Variants in ZDHHC24 observed in about 807,000 individuals in gnomAD.
ZDHHC24 encodes zDHHC palmitoyltransferase 24, also known as probable palmitoyltransferase ZDHHC24.
Under a neutral mutation model 23.2 loss-of-function variants are expected in ZDHHC24, and 17 were observed. That is an observed-to-expected ratio of 0.73 (90% CI 0.50 to 1.10). The LOEUF (loss-of-function observed/expected upper bound fraction) is 1.10. Among genes scored for constraint, ZDHHC24 ranks in the 50% least tolerant of loss-of-function variants. The pLI is 0.00. For synonymous variants in ZDHHC24, 186 were observed against 194.5 expected (o/e 0.96, Z 0.36); for missense variants, 366 against 393.0 (o/e 0.93, Z 0.58).
chr11:66,530,071 C>A, intron 2 of ZDHHC24: 1 of 1,408,228 alleles, frequency 7.1e-7, no homozygotes, highest in Non-Finnish European at 9.7e-7. Context: ...AGCCCGTGCT[C>A]CCCATCACCT....
At chr11:66,530,676 G>A (rs959653716), downstream of ZDHHC24, among the ~76,000 whole-genome samples, 1 of 152,198 alleles carries the variant, frequency 6.6e-6, no homozygotes, top group Non-Finnish European at 1.5e-5. Context: ...TCCCAGGCCA[G>A]CTCTGCCTCT....
At position 66,526,134 on chromosome 11, in the gene ZDHHC24, C is replaced by G. The variant is rs41302423; in HGVS notation, c.*21+802G>C. The stretch of plus-strand genomic sequence containing the variant: ...ACGTCTCCACATAGGATGCAGTGAC[C>G]AGCCTTTGCTTTGGCCGGTACGGGC... On this transcript the variant is annotated intron_variant, in intron 4 of 4. Coordinates refer to the ZDHHC24 transcript ENST00000526986. 1.2e-6 allele frequency: 2 copies of G among 1,614,182 alleles called. No homozygotes were observed. The highest frequency in any genetic ancestry group is 1.1e-5 in the South Asian group (1 of 91,082).
rs1222382279 is a variant in ZDHHC24, at chr11:66,545,964, G to A, written c.40C>T (p.Pro14Ser). 2 of 1,429,016 alleles carry A rather than the reference G, an allele frequency of 1.4e-6. No individual in the cohort carries two copies. The highest frequency in any genetic ancestry group is 3.2e-5 in the Admixed American group (1 of 30,932). 88.5% of individuals were successfully genotyped at this position (1,429,016 alleles called of 1,614,324 possible). Residue 14 changes from proline (P) to serine (S), a missense_variant, in exon 1 of 3, where the codon CCC (proline) becomes TCC (serine). Physicochemically the swap from Pro to Ser is moderately conservative, Grantham distance 74 (BLOSUM62 -1). Transcript: ENST00000310442. The surrounding 1 kb of genome is among the most constrained non-coding windows in gnomAD (Gnocchi z 4.5). ...GTGAGCACGAGAGGCAGCTGCGCGG[G>A]CGCCCCGTCCGTGCTCCCAGCCGCC... ...PWAAGSTDGA[P>S]AQLPLVLTAL...
In ZDHHC24 at chr11:66,539,647, T is replaced by A; in HGVS notation, c.737A>T (p.Gln246Leu). Reference protein sequence around the residue: ...SYDLGPCHNLQAALGPRWALV... With the variant: ...SYDLGPCHNLLAALGPRWALV... The stretch of plus-strand genomic sequence containing the variant: ...GGCCCAGCGGGGCCCCAGGGCTGCC[T>A]GCAGGTTGTGGCAGGGACCCAGGTC... The change falls in exon 3 of 3, where the codon CAG (glutamine) becomes CTG (leucine). Residue 246 changes from glutamine to leucine, a missense_variant. Gln to Leu is a moderately radical substitution (Grantham distance 113, BLOSUM62 -2). Coordinates refer to ENST00000310442, the MANE Select transcript of ZDHHC24 (RefSeq NM_207340.3). 6.2e-7 allele frequency: 1 copy of A among 1,612,640 alleles called. No individual in the cohort carries two copies. The highest frequency in any genetic ancestry group is 8.5e-7 in the Non-Finnish European group (1 of 1,179,680).
chr11:66,530,574 A>G, intron 2 of ZDHHC24, among the ~76,000 whole-genome samples: 1 of 152,136 alleles, frequency 6.6e-6, no homozygotes, highest in East Asian at 1.9e-4. Flanking sequence ...CAGGAGAAAA[A>G]TGAACTGATC....
Position 66,539,616 on chromosome 11 carries a change from G to A in ZDHHC24, c.768C>T (p.Val256=), listed in dbSNP as rs1228990879. 2 of 1,613,256 alleles carry A rather than the reference G, an allele frequency of 1.2e-6. No individual in the cohort carries two copies. The highest frequency in any genetic ancestry group is 3.3e-5 in the Admixed American group (2 of 59,936). The change falls in exon 3 of 3, where the codon GTC becomes GTT. Residue 256 remains valine (V), a synonymous_variant. Coordinates refer to ENST00000310442, the MANE Select transcript of ZDHHC24 (RefSeq NM_207340.3). The part of the protein sequence containing the change: ...QAALGPRWAL[V]WLWPFLASPL... ...GGGAGGCCAGGAAGGGCCAGAGCCA[G>A]ACGAGGGCCCAGCGGGGCCCCAGGG...
downstream of ZDHHC24, chr11:66,531,848 G>C (rs1856797336): frequency 1.1e-5 from 17 of 1,603,618 alleles, no homozygotes; most frequent in African/African-American, 1.3e-5. Context: ...GGGGGTGGGG[G>C]TATCTGCACA....
rs1480026821 is a variant in ZDHHC24 at position 66,539,403 on chromosome 11, G to T, written c.*126C>A. ...TAGGAGTGTAGGCGGGCAGGGGCAA[G>T]GCCAAGGAAGGGGTGGAGTTGTCCA... On this transcript the variant is annotated 3_prime_UTR_variant, in exon 3 of 3. Coordinates refer to ENST00000310442, the MANE Select transcript of ZDHHC24 (RefSeq NM_207340.3). 8 of 1,381,710 alleles carry T rather than the reference G, an allele frequency of 5.8e-6. No homozygotes were observed. The highest frequency in any genetic ancestry group is 7.5e-6 in the Non-Finnish European group (8 of 1,070,782). The allele number at this position is 1,381,710 out of a possible 1,614,324, so 85.6% of individuals were successfully genotyped here.
At chr11:66,535,447 C>T (rs144950934), downstream of ZDHHC24, among the ~76,000 whole-genome samples, 2 of 150,924 alleles carry the variant, frequency 1.3e-5, no homozygotes, top group Non-Finnish European at 2.9e-5. Context: ...CTCAAGTGAT[C>T]CTCCCGCCTC....
In ZDHHC24 at chr11:66,529,739, C is replaced by T. The variant is rs533256148; in HGVS notation, c.560-251G>A. The T allele has an allele frequency of 1.5e-4, 239 of 1,564,446 alleles. No individual in the cohort carries two copies. The African/African-American group carries it at 2.7e-3, about 18-fold the overall frequency. On this transcript the variant is annotated intron_variant, in intron 2 of 4. Transcript: ENST00000526986. ...CCTCTTGCACCCTCCCCACACCAAC[C>T]TGAGCAGGAGTGCCCCGTTGCTGCC...
Position 66,528,272 on chromosome 11 carries a change from A to G in ZDHHC24, c.736+1040T>C, listed in dbSNP as rs576984052. Among the ~76,000 whole-genome samples, 5 of 152,374 alleles carry G rather than the reference A, an allele frequency of 3.3e-5. No individual in the cohort carries two copies. In the South Asian group the frequency reaches 8.3e-4, roughly 25 times the overall value. Reference sequence around the variant, plus strand: ...AAGTTGTAAAACTATCTTCAAGAACAGAAAAGACCACCTTCAAGAATGCTT... The same window carrying G: ...AAGTTGTAAAACTATCTTCAAGAACGGAAAAGACCACCTTCAAGAATGCTT... On this transcript the variant is annotated intron_variant, in intron 3 of 4. Transcript: ENST00000526986.
At position 66,537,185 on chromosome 11, in the gene ZDHHC24, G is replaced by A. The variant is rs890909934; in HGVS notation, c.*2344C>T. 1.3e-5 allele frequency: 2 copies of A among 151,736 alleles called. No homozygotes were observed. The highest frequency in any genetic ancestry group is 2.9e-5 in the Non-Finnish European group (2 of 67,880). 9.4% of individuals were successfully genotyped at this position (151,736 alleles called of 1,614,324 possible). On this transcript the variant is annotated 3_prime_UTR_variant, in exon 3 of 3. Coordinates refer to ENST00000310442, the MANE Select transcript of ZDHHC24 (RefSeq NM_207340.3). ...GACTTTCACTTAACCCCATTTTTTG[G>A]TCTAGCCTCTCACCCACCCCTCCCC...
chr11:66,526,790 A>T (rs1299611309), intron 4 of ZDHHC24: 4 of 1,614,212 alleles, frequency 2.5e-6, no homozygotes, highest in Non-Finnish European at 3.4e-6. Flanking sequence ...ACACTGCGAG[A>T]GCGGGAGGCT....
At chr11:66,540,333 A>G (rs1857113930) in intron 2 of ZDHHC24, among the ~76,000 whole-genome samples, 1 of 146,970 alleles carries the variant, frequency 6.8e-6, no homozygotes, top group Non-Finnish European at 1.5e-5. Flanking sequence ...GGGCTCAGGC[A>G]GGAGAATCGC....
In ZDHHC24 at chr11:66,543,951, C is replaced by G. The variant is rs368742873; in HGVS notation, c.312G>C (p.Pro104=). 186 of 1,613,536 alleles carry G rather than the reference C, an allele frequency of 1.2e-4. 1 individual carries two copies. The South Asian group carries it at 1.9e-3, about 17-fold the overall frequency. ...AYCYQCQSQV[P]PRSGHCSACR... ...AGGCAGAGCAGTGTCCGCTGCGTGG[C>G]GGCACCTGGCTTTGGCATTGGTAGC... The change falls in exon 2 of 3, where the codon CCG becomes CCC. Residue 104 remains proline (P), a synonymous_variant. Transcript: ENST00000310442.
intron 4 of ZDHHC24, among the ~76,000 whole-genome samples, chr11:66,522,237 G>A (rs1856270989): frequency 6.6e-6 from 1 of 151,174 alleles, no homozygotes; most frequent in African/African-American, 2.4e-5. Context: ...AAAGGAAACA[G>A]ATGGGAAGAA....
chr11:66,539,945 T>G, intron 2 of ZDHHC24, 121 bp from the exon 3 acceptor site: 1 of 1,034,596 alleles, frequency 9.7e-7, no homozygotes, highest in Non-Finnish European at 1.3e-6. Flanking sequence ...GTGTCGATAC[T>G]CGCTGGCCAG....
chr11:66,530,410 C>T (rs748329979), intron 2 of ZDHHC24, among the ~76,000 whole-genome samples: 2 of 152,108 alleles, frequency 1.3e-5, no homozygotes, highest in Non-Finnish European at 2.9e-5. Context: ...CCGCAAGGCT[C>T]AGACGCAAAT....
intron 1 of ZDHHC24, 29 bp from the exon 2 acceptor site, chr11:66,544,010 C>T (rs1323108499): frequency 6.2e-7 from 1 of 1,607,872 alleles, no homozygotes; most frequent in East Asian, 2.2e-5. Context: ...GCGTCAGTTC[C>T]CCCAGCAGCT....
Sources: gnomAD v4.1 joint callset for allele counts (sites outside exome capture counted in the v4.1 genomes callset) on GRCh38, gnomAD v4.1.1 for gene constraint, Gnocchi (gnomAD v3.1) non-coding constraint, MANE v1.5 for transcripts, NCBI Gene and HGNC (gene_info 2026-07-23, HGNC 2026-07-21) for gene names.